OR4E1: variants seen among roughly 807,000 people sequenced by gnomAD.
OR4E1 encodes the protein olfactory receptor 4E1.
Position 21,670,750 on chromosome 14 carries a change from G to A in OR4E1, c.186C>T (p.Pro62=). The A allele has an allele frequency of 5.0e-6, 2 of 401,876 alleles. No homozygotes were observed. Among genetic ancestry groups the A allele is most frequent in the Non-Finnish European group, 8.8e-6 (2 of 226,280 alleles). 24.9% of individuals were successfully genotyped at this position (401,876 alleles called of 1,614,324 possible). The change falls in exon 2 of 2, where the codon CCC becomes CCT. Residue 62 remains proline (P), a synonymous_variant. Transcript: ENST00000641792. ...TIIYDHRLHT[P]MYFFLSNLSF... ...ACAGGTTGCTGAGGAAGAAATACAT[G>A]GGAGTATGGAGCCGGTGGTCATAGA...
intron 1 of OR4E1, among the ~76,000 whole-genome samples, chr14:21,672,735 C>T (rs1881019450): frequency 6.6e-6 from 1 of 152,136 alleles, no homozygotes; most frequent in African/African-American, 2.4e-5. Context: ...TATGGATATA[C>T]ATTTTAAACT....
rs1447697949 is a variant in OR4E1, at chr14:21,669,320, T to A, written c.*668A>T. The A allele has an allele frequency of 6.6e-6, 1 of 152,232 alleles. No individual in the cohort carries two copies. Among genetic ancestry groups the A allele is most frequent in the Non-Finnish European group, 1.5e-5 (1 of 68,040 alleles). The allele number at this position is 152,232 out of a possible 1,614,324, so 9.4% of individuals were successfully genotyped here. A position where few individuals can be genotyped will look rare whatever the true frequency, so the allele number is the denominator to read the frequency against. ...TATTTATGGCTATAAACCTAGTATC[T>A]GGTACATAATAAGTGCTCAGTAAAT... On this transcript the variant is annotated 3_prime_UTR_variant, in exon 2 of 2. Transcript: ENST00000641792.
chr14:21,671,185 A>G (rs1880926623), intron 1 of OR4E1, among the ~76,000 whole-genome samples: 1 of 152,244 alleles, frequency 6.6e-6, no homozygotes. Context: ...ATTAAGAGAT[A>G]TAAAACAATC....
rs1880844300 is a variant in OR4E1 at position 21,670,004 on chromosome 14, C to G, written c.932G>C (p.Arg311Thr). The change falls in exon 2 of 2, where the codon AGA becomes ACA. Residue 311 changes from arginine (R) to threonine (T), a missense_variant. By Grantham distance (71) the Arg-to-Thr change is moderately conservative. Transcript: ENST00000641792. The part of the protein sequence containing the change: ...ALNKLVGRKE[R>T]KEEK Reference sequence around the variant, plus strand: ...TAGACATTTTCATTTTTCTTCTTTTCTCTCTTTTCTCCCCACTAACTTGTT... The same window carrying G: ...TAGACATTTTCATTTTTCTTCTTTTGTCTCTTTTCTCCCCACTAACTTGTT... The G allele has an allele frequency of 2.5e-6, 1 of 398,610 alleles. No homozygotes were observed. Among genetic ancestry groups the G allele is most frequent in the Non-Finnish European group, 4.4e-6 (1 of 226,080 alleles). The allele number at this position is 398,610 out of a possible 1,614,324, so 24.7% of individuals were successfully genotyped here. A position where few individuals can be genotyped will look rare whatever the true frequency, so the allele number is the denominator to read the frequency against.
rs767330950 is a variant in OR4E1 at position 21,668,450 on chromosome 14, G to A, written c.*1538C>T. ...GGTTTATTGATCATACACTCACTGA[G>A]TGCCTAGGAAATCCCAGCTGCATTT... On this transcript the variant is annotated 3_prime_UTR_variant, in exon 2 of 2. Coordinates refer to ENST00000641792, the MANE Select transcript of OR4E1 (RefSeq NM_001317107.2). 3 of 141,804 alleles carry A rather than the reference G, an allele frequency of 2.1e-5. No individual in the cohort carries two copies. The highest frequency in any genetic ancestry group is 3.1e-5 in the Non-Finnish European group (2 of 64,304). The allele number at this position is 141,804 out of a possible 1,614,324, so 8.8% of individuals were successfully genotyped here.
At position 21,670,662 on chromosome 14, in the gene OR4E1, C is replaced by T; in HGVS notation, c.274G>A (p.Glu92Lys). The T allele has an allele frequency of 5.0e-6, 2 of 401,102 alleles. No individual in the cohort carries two copies. Among genetic ancestry groups the T allele is most frequent in the Non-Finnish European group, 8.8e-6 (2 of 226,304 alleles). 24.8% of individuals were successfully genotyped at this position (401,102 alleles called of 1,614,324 possible). ...VPKMLRDVWS[E>K]EKLISFDACV... ...GCATCAAAAGAGATGAGCTTTTCCT[C>T]TGACCACACGTCTCTCAGCATCTTG... The change falls in exon 2 of 2, where the codon GAG becomes AAG. Residue 92 changes from glutamate to lysine, a missense_variant. Physicochemically the swap from Glu to Lys is moderately conservative, Grantham distance 56 (BLOSUM62 1). Coordinates refer to ENST00000641792, the MANE Select transcript of OR4E1 (RefSeq NM_001317107.2).
At position 21,670,836 on chromosome 14, in the gene OR4E1, T is replaced by C. The variant is rs1880901780; in HGVS notation, c.100A>G (p.Met34Val). ...NHKARIAMFS[M>V]FLIFYVLTLI... ...GTCAGGACATAAAAAATGAGGAACA[T>C]GGAAAACATAGCTATCCGTGCCTTA... is the stretch of plus-strand genomic sequence containing the variant. The change falls in exon 2 of 2, where the codon ATG becomes GTG. Residue 34 changes from methionine (M) to valine (V), a missense_variant. By Grantham distance (21) the Met-to-Val change is conservative (BLOSUM62 1). Transcript: ENST00000641792. 7 of 399,110 alleles carry C rather than the reference T, an allele frequency of 1.8e-5. No homozygotes were observed. The highest frequency in any genetic ancestry group is 1.2e-3 in the Middle Eastern group (2 of 1,650). The allele number at this position is 399,110 out of a possible 1,614,324, so 24.7% of individuals were successfully genotyped here. A position where few individuals can be genotyped will look rare whatever the true frequency, so the allele number is the denominator to read the frequency against.
chr14:21,672,459 C>T lies in OR4E1; in HGVS notation c.-18+631G>A, dbSNP rs1161744400. 3.9e-5 allele frequency among the ~76,000 whole-genome samples: 6 copies of T among 152,238 alleles called. No individual in the cohort carries two copies. In the East Asian group the frequency reaches 1.2e-3, roughly 29 times the overall value. ...CCAGTGTTTGGATTAATATTTACAG[C>T]AGCATCTAAATGTAGCTATTGATTG... On this transcript the variant is annotated intron_variant, in intron 1 of 1. Coordinates refer to ENST00000641792, the MANE Select transcript of OR4E1 (RefSeq NM_001317107.2).
chr14:21,672,543 T>G (rs532620367), intron 1 of OR4E1, among the ~76,000 whole-genome samples: 1 of 152,208 alleles, frequency 6.6e-6, no homozygotes, highest in Non-Finnish European at 1.5e-5. Flanking sequence ...CTCCAAGAAG[T>G]GATTTTAAGT....
In OR4E1 at chr14:21,668,951, T is replaced by C. The variant is rs1033199322; in HGVS notation, c.*1037A>G. 6.6e-6 allele frequency: 1 copy of C among 152,210 alleles called. No homozygotes were observed. The highest frequency in any genetic ancestry group is 2.4e-5 in the African/African-American group (1 of 41,448). The allele number at this position is 152,210 out of a possible 1,614,324, so 9.4% of individuals were successfully genotyped here. ...ATTCTTTTTAGCTCTCTGATATCAC[T>C]CTCTTGCCACTCTCTGCCTTATAGT... On this transcript the variant is annotated 3_prime_UTR_variant, in exon 2 of 2. Transcript: ENST00000641792.
In OR4E1 at chr14:21,673,647, A is replaced by C. The variant is rs1233891217; in HGVS notation, c.-575T>G. The C allele has an allele frequency of 1.3e-5, 2 of 150,086 alleles. No individual in the cohort carries two copies. Among genetic ancestry groups the C allele is most frequent in the African/African-American group, 4.9e-5 (2 of 40,858 alleles). 9.3% of individuals were successfully genotyped at this position (150,086 alleles called of 1,614,324 possible). ...AGTCAGCCACTTTTGCAGGCCCTTC[A>C]GGTTTATTAGGACACTTCTAACACA... is the stretch of plus-strand genomic sequence containing the variant. On this transcript the variant is annotated 5_prime_UTR_variant, in exon 1 of 2. Coordinates refer to ENST00000641792, the MANE Select transcript of OR4E1 (RefSeq NM_001317107.2).
chr14:21,671,549 G>T (rs978499036), intron 1 of OR4E1, among the ~76,000 whole-genome samples: 1 of 152,138 alleles, frequency 6.6e-6, no homozygotes, highest in African/African-American at 2.4e-5. Context: ...TTGAACAATT[G>T]TTTAGAGAAG....
chr14:21,671,818 C>T (rs1377392431), intron 1 of OR4E1, among the ~76,000 whole-genome samples: 2 of 152,082 alleles, frequency 1.3e-5, no homozygotes, highest in Non-Finnish European at 2.9e-5. Context: ...CGAGCATATG[C>T]ATTATAGTCA....
In OR4E1 at chr14:21,669,959, C is replaced by T. The variant is rs921773528; in HGVS notation, c.*29G>A. 4 of 398,264 alleles carry T rather than the reference C, an allele frequency of 1.0e-5. No homozygotes were observed. The highest frequency in any genetic ancestry group is 4.4e-5 in the Admixed American group (1 of 22,716). The allele number at this position is 398,264 out of a possible 1,614,324, so 24.7% of individuals were successfully genotyped here. On this transcript the variant is annotated 3_prime_UTR_variant, in exon 2 of 2. Transcript: ENST00000641792. Reference sequence around the variant, plus strand: ...TGCAAGGCGCTTCTTTAATTTGGAGCACCACGTATCCTAAGGACGTAGACA... The same window carrying T: ...TGCAAGGCGCTTCTTTAATTTGGAGTACCACGTATCCTAAGGACGTAGACA...
rs1392875553 is a variant in OR4E1, at chr14:21,673,621, GAGTC to G, written c.-553_-550del. The G allele has an allele frequency of 2.9e-4, 39 of 132,350 alleles. No individual in the cohort carries two copies. Among genetic ancestry groups the G allele is most frequent in the Admixed American group, 5.5e-4 (7 of 12,688 alleles). The allele number at this position is 132,350 out of a possible 1,614,324, so 8.2% of individuals were successfully genotyped here. A position where few individuals can be genotyped will look rare whatever the true frequency, so the allele number is the denominator to read the frequency against. ...GTCCAAAAAAAAAAAAAAAAAAAAAGAGTCAGCCACTTTTGCAGGCCCTTCAGGT... is the reference window on the plus strand; with the variant it reads ...GTCCAAAAAAAAAAAAAAAAAAAAAGAGCCACTTTTGCAGGCCCTTCAGGT... On this transcript the variant is annotated 5_prime_UTR_variant, in exon 1 of 2. Transcript: ENST00000641792.
rs1880809266 is a variant in OR4E1, at chr14:21,669,378, C to T, written c.*610G>A. The stretch of plus-strand genomic sequence containing the variant: ...AAATGAATGAATAGTAAGATATCCC[C>T]ATTTCATTGCTCTGATGGCAGATTT... On this transcript the variant is annotated 3_prime_UTR_variant, in exon 2 of 2. Transcript: ENST00000641792. The T allele has an allele frequency of 6.6e-6, 1 of 152,198 alleles. No individual in the cohort carries two copies. Among genetic ancestry groups the T allele is most frequent in the Non-Finnish European group, 1.5e-5 (1 of 68,030 alleles). 9.4% of individuals were successfully genotyped at this position (152,198 alleles called of 1,614,324 possible). A position where few individuals can be genotyped will look rare whatever the true frequency, so the allele number is the denominator to read the frequency against.
Position 21,670,051 on chromosome 14 carries a change from A to C in OR4E1, c.885T>G (p.Asn295Lys). 1 of 398,506 alleles carries C rather than the reference A, an allele frequency of 2.5e-6. No individual in the cohort carries two copies. Among genetic ancestry groups the C allele is most frequent in the African/African-American group, 2.1e-5 (1 of 48,678 alleles). 24.7% of individuals were successfully genotyped at this position (398,506 alleles called of 1,614,324 possible). A position where few individuals can be genotyped will look rare whatever the true frequency, so the allele number is the denominator to read the frequency against. Residue 295 changes from asparagine to lysine, a missense_variant, in exon 2 of 2, where the codon AAT (asparagine) becomes AAG (lysine). Physicochemically the swap from Asn to Lys is moderately conservative, Grantham distance 94. Coordinates refer to ENST00000641792, the MANE Select transcript of OR4E1 (RefSeq NM_001317107.2). ...TGTTTAAGGCACTCTTCATTTCTTC[A>C]TTCCTAAGGGTATAGATAATGGGGT... ...LLNPIIYTLRNEEMKSALNKL... is the reference protein window; with the variant it reads ...LLNPIIYTLRKEEMKSALNKL...
chr14:21,670,499 A>G lies in OR4E1; in HGVS notation c.437T>C (p.Val146Ala), dbSNP rs1321786370. 3 of 399,714 alleles carry G rather than the reference A, an allele frequency of 7.5e-6. No individual in the cohort carries two copies. The highest frequency in any genetic ancestry group is 1.3e-5 in the Non-Finnish European group (3 of 226,546). The allele number at this position is 399,714 out of a possible 1,614,324, so 24.8% of individuals were successfully genotyped here. Residue 146 changes from valine to alanine, a missense_variant, in exon 2 of 2, where the codon GTG becomes GCG. Coordinates refer to ENST00000641792, the MANE Select transcript of OR4E1 (RefSeq NM_001317107.2). ...TGTCCAGAGGGCCACAGCCAGCAGC[A>G]CACATACCTTCCAGTTCATCACTAT... ...YMIVMNWKVC[V>A]LLAVALWTGG...
At chr14:21,671,467 A>C (rs1446963760) in intron 1 of OR4E1, among the ~76,000 whole-genome samples, 1 of 152,014 alleles carries the variant, frequency 6.6e-6, no homozygotes, top group African/African-American at 2.4e-5. Flanking sequence ...TGTAATTTCC[A>C]TGACATAACT....
Sources: gnomAD v4.1 joint callset for allele counts (sites outside exome capture counted in the v4.1 genomes callset) on GRCh38, gnomAD v4.1.1 for gene constraint, MANE v1.5 for transcripts, NCBI Gene and HGNC (gene_info 2026-07-23, HGNC 2026-07-21) for gene names.